Variants in TGFBRAP1 observed in about 807,000 individuals in gnomAD.
The protein encoded by TGFBRAP1 is transforming growth factor-beta receptor-associated protein 1.
A neutral mutation model predicts 83.2 loss-of-function variants in TGFBRAP1; 20 were observed. That is an observed-to-expected ratio of 0.24 (90% confidence interval 0.17 to 0.35). The LOEUF (loss-of-function observed/expected upper bound fraction) is 0.35, where lower values mean the gene tolerates loss of function less well. TGFBRAP1 is among the 10% of genes least tolerant of loss of function. The probability of loss-of-function intolerance (pLI) is 1.00; values close to 1 mark genes in which losing one functional copy is unlikely to be tolerated. For synonymous variants in TGFBRAP1, 415 were observed against 459.8 expected, an observed-to-expected ratio of 0.90 and a Z score of 1.25; for missense variants, 950 against 1,099.4, an observed-to-expected ratio of 0.86 and a Z score of 1.92.
the TGFBRAP1 span, among the ~76,000 whole-genome samples, chr2:105,258,332 C>T: frequency 6.6e-6 from 1 of 152,226 alleles, no homozygotes; most frequent in African/African-American, 2.4e-5. Flanking sequence ...TTTCTGGGTG[C>T]CTCTGTGAGG....
At position 105,296,429 on chromosome 2, in the gene TGFBRAP1, G is replaced by T. The variant is rs1678091120; in HGVS notation, c.965C>A (p.Ala322Glu). ...CAAAGCCTCTTCTACTCTGCGGCTTGCTAGAAGATCCTGTATTTGTTTTTC... is the reference window on the plus strand; with the variant it reads ...CAAAGCCTCTTCTACTCTGCGGCTTTCTAGAAGATCCTGTATTTGTTTTTC... ...PLEKQIQDLLASRRVEEALVL... is the reference protein window; with the variant it reads ...PLEKQIQDLLESRRVEEALVL... Residue 322 changes from alanine to glutamate, a missense_variant, in exon 4 of 12, where the codon GCA (alanine) becomes GAA (glutamate). Ala to Glu is a moderately radical substitution (Grantham distance 107, BLOSUM62 -1). Transcript: ENST00000393359. 1 of 1,613,936 alleles carries T rather than the reference G, an allele frequency of 6.2e-7. No individual in the cohort carries two copies. The highest frequency in any genetic ancestry group is 8.5e-7 in the Non-Finnish European group (1 of 1,179,998).
At chr2:105,282,962 T>C (rs1317780292) in intron 5 of TGFBRAP1, among the ~76,000 whole-genome samples, 1 of 152,154 alleles carries the variant, frequency 6.6e-6, no homozygotes, top group South Asian at 2.1e-4. Flanking sequence ...GCCCCACATC[T>C]ATTCTCTTAC....
At position 105,307,999 on chromosome 2, in the gene TGFBRAP1, C is replaced by T. The variant is rs144727234; in HGVS notation, c.303G>A (p.Leu101=). 8.7e-6 allele frequency: 14 copies of T among 1,614,084 alleles called. No individual in the cohort carries two copies. In the African/African-American group the frequency reaches 1.6e-4, roughly 18 times the overall value. ...CTGGCTCGAGGTTCAGCATGTTGAC[C>T]AGGCTGATGGAGTTGTCACACAGCA... The part of the protein sequence containing the change: ...LLVLCDNSIS[L]VNMLNLEPVP... The change falls in exon 2 of 12, where the codon CTG becomes CTA. Residue 101 remains leucine (L), a synonymous_variant. Transcript: ENST00000393359.
chr2:105,313,668 T>A (rs1027490610), intron 1 of TGFBRAP1, among the ~76,000 whole-genome samples: 6 of 152,108 alleles, frequency 3.9e-5, no homozygotes, highest in Non-Finnish European at 8.8e-5. Context: ...CAAATAAACC[T>A]GCAAAAACAC....
At chr2:105,317,220 C>T (rs1202944906) in intron 1 of TGFBRAP1, among the ~76,000 whole-genome samples, 4 of 152,006 alleles carry the variant, frequency 2.6e-5, no homozygotes, top group South Asian at 4.1e-4. Flanking sequence ...GGGAGGATCA[C>T]GAGGTCAAAA....
chr2:105,321,571 A>G (rs1025808931), intron 1 of TGFBRAP1, among the ~76,000 whole-genome samples: 1 of 152,234 alleles, frequency 6.6e-6, no homozygotes, highest in African/African-American at 2.4e-5. Flanking sequence ...ACCTGGATAA[A>G]CATATCTACT....
intron 1 of TGFBRAP1, among the ~76,000 whole-genome samples, chr2:105,314,901 G>A (rs1167035708): frequency 7.0e-6 from 1 of 143,524 alleles, no homozygotes; most frequent in Non-Finnish European, 1.5e-5. Context: ...AGTGAACCGA[G>A]ATCGCACCAC....
Position 105,269,633 on chromosome 2 carries a change from G to A in TGFBRAP1, c.2045C>T (p.Ala682Val), listed in dbSNP as rs780247252. Residue 682 changes from alanine to valine, a missense_variant, in exon 11 of 12, where the codon GCG (alanine) becomes GTG (valine). Physicochemically the swap from Ala to Val is moderately conservative, Grantham distance 64. Coordinates refer to ENST00000393359, the MANE Select transcript of TGFBRAP1 (RefSeq NM_004257.6). The surrounding 1 kb of genome is among the most constrained non-coding windows in gnomAD (Gnocchi z 4.1). ...CAGCTCGTGCACCAGGATATGCAGCGCCTTCTCATGCTCGCCCAGCTTCCC... is the reference window on the plus strand; with the variant it reads ...CAGCTCGTGCACCAGGATATGCAGCACCTTCTCATGCTCGCCCAGCTTCCC... ...LHGKLGEHEK[A>V]LHILVHELQD... 20 of 1,598,362 alleles carry A rather than the reference G, an allele frequency of 1.3e-5. No homozygotes were observed. Among genetic ancestry groups the A allele is most frequent in the South Asian group, 2.2e-5 (2 of 89,986 alleles).
At chr2:105,278,203 A>G (rs984855462) in intron 6 of TGFBRAP1, among the ~76,000 whole-genome samples, 7 of 152,120 alleles carry the variant, frequency 4.6e-5, no homozygotes, top group Non-Finnish European at 7.4e-5. Flanking sequence ...TCAACTTCCA[A>G]AAAGAATCTG....
intron 5 of TGFBRAP1, among the ~76,000 whole-genome samples, chr2:105,281,812 A>G (rs1055171176): frequency 6.6e-6 from 1 of 151,992 alleles, no homozygotes; most frequent in African/African-American, 2.4e-5. Context: ...GTTCTTGGTG[A>G]AAAGCAATTT....
At chr2:105,260,723 T>TA (rs58745395), downstream of TGFBRAP1, among the ~76,000 whole-genome samples, 36 of 151,490 alleles carry the variant, frequency 2.4e-4, no homozygotes, top group East Asian at 4.8e-3. Context: ...ACTACACACT[T>TA]AAAAATTGTT....
chr2:105,305,109 T>C (rs1678452582), intron 2 of TGFBRAP1, among the ~76,000 whole-genome samples: 1 of 152,196 alleles, frequency 6.6e-6, no homozygotes, highest in African/African-American at 2.4e-5. Flanking sequence ...ACCACTGTCG[T>C]GTGGATAACG....
intron 2 of TGFBRAP1, among the ~76,000 whole-genome samples, chr2:105,299,760 A>G (rs1678220502): frequency 6.6e-6 from 1 of 152,070 alleles, no homozygotes; most frequent in South Asian, 2.1e-4. Flanking sequence ...AAGGATGAGG[A>G]GTCAGTAACA....
At chr2:105,268,660 G>A (rs776640799) in intron 11 of TGFBRAP1, among the ~76,000 whole-genome samples, 17 of 152,166 alleles carry the variant, frequency 1.1e-4, no homozygotes, top group African/African-American at 2.2e-4. Flanking sequence ...GACAGGGAGC[G>A]TCAGCAAAGG....
At chr2:105,326,623 G>T (rs182019661) in intron 1 of TGFBRAP1, among the ~76,000 whole-genome samples, 94 of 152,296 alleles carry the variant, frequency 6.2e-4, no homozygotes, top group African/African-American at 2.2e-3. Flanking sequence ...GGAGGCTAAA[G>T]TGGAAGGATC....
intron 2 of TGFBRAP1, among the ~76,000 whole-genome samples, chr2:105,303,978 T>A (rs904660022): frequency 1.3e-5 from 2 of 152,066 alleles, no homozygotes; most frequent in African/African-American, 4.8e-5. Context: ...AAGTAACAGA[T>A]CAATCAATTG....
chr2:105,250,798 C>T, the TGFBRAP1 span, among the ~76,000 whole-genome samples: 5 of 152,310 alleles, frequency 3.3e-5, no homozygotes, highest in South Asian at 4.1e-4. Flanking sequence ...CGATTGCAGG[C>T]GCGCGCCGCC....
At chr2:105,314,591 C>T (rs972875983) in intron 1 of TGFBRAP1, among the ~76,000 whole-genome samples, 6 of 151,898 alleles carry the variant, frequency 4.0e-5, no homozygotes, top group African/African-American at 1.2e-4. Flanking sequence ...AAGTAATACA[C>T]GATCTCAGTT....
At chr2:105,316,462 T>TGTGTGTGTGTGTGCGCGCGC (rs1177329674) in intron 1 of TGFBRAP1, among the ~76,000 whole-genome samples, 12 of 84,814 alleles carry the variant, frequency 1.4e-4, no homozygotes, top group African/African-American at 4.9e-4. Context: ...TGTGTGTGTG[T>TGTGTGTGTGTGTGCGCGCGC]GCGCGCGCGC....
Sources: gnomAD v4.1 joint callset for allele counts (sites outside exome capture counted in the v4.1 genomes callset) on GRCh38, gnomAD v4.1.1 for gene constraint, Gnocchi (gnomAD v3.1) non-coding constraint, MANE v1.5 for transcripts, NCBI Gene and HGNC (gene_info 2026-07-23, HGNC 2026-07-21) for gene names.